Variants in PRKAR1A observed in about 807,000 individuals in gnomAD.
The protein encoded by PRKAR1A is cAMP-dependent protein kinase type I-alpha regulatory subunit.
PRKAR1A carries 3 observed loss-of-function variants against 52.0 expected under a neutral mutation model. That is an observed-to-expected ratio of 0.06 (90% confidence interval 0.03 to 0.15). The LOEUF is 0.15. PRKAR1A is among the 10% of genes least tolerant of loss of function. The pLI, the probability that PRKAR1A is intolerant of heterozygous loss-of-function variation, is 1.00. For missense variants in PRKAR1A, 240 were observed against 477.4 expected, an observed-to-expected ratio of 0.50 and a Z score of 4.63; for synonymous variants, 188 against 168.4, an observed-to-expected ratio of 1.12 and a Z score of -0.90.
chr17:68,543,507 A>C (rs2086405588), intron 11 of PRKAR1A: 3 of 849,978 alleles, frequency 3.5e-6, no homozygotes, highest in Non-Finnish European at 5.9e-6. Flanking sequence ...TGAGGCACGA[A>C]GAAGATAGAA....
At chr17:68,502,755 GAAAAAAAAAAA>G in the PRKAR1A span, among the ~76,000 whole-genome samples, 10 of 86,312 alleles carry the variant, frequency 1.2e-4, no homozygotes, top group African/African-American at 3.1e-4. Context: ...TTCATCTCAG[GAAAAAAAAAAA>G]AAAAAAAAAA....
chr17:68,427,630 A>G, the PRKAR1A span: 1 of 177,364 alleles, frequency 5.6e-6, no homozygotes, highest in East Asian at 1.7e-4. Flanking sequence ...TAAATTGTAG[A>G]CCTACCCACA....
At chr17:68,510,195 G>GAGAGAGAGAGAGAGAT (rs1164168629), upstream of PRKAR1A, among the ~76,000 whole-genome samples, 1 of 148,652 alleles carries the variant, frequency 6.7e-6, no homozygotes, top group African/African-American at 2.5e-5. Context: ...GAGAGAGAGA[G>GAGAGAGAGAGAGAGAT]ATCTATCTAT....
the PRKAR1A span, among the ~76,000 whole-genome samples, chr17:68,493,029 G>C: frequency 3.3e-5 from 5 of 151,780 alleles, no homozygotes; most frequent in African/African-American, 4.8e-5. Flanking sequence ...TATATACCCA[G>C]TGATGGGATT....
chr17:68,441,594 C>A, the PRKAR1A span, among the ~76,000 whole-genome samples: 1 of 152,252 alleles, frequency 6.6e-6, no homozygotes. Context: ...CGAGTGAGGA[C>A]CTGGTCATGT....
chr17:68,542,921 G>A lies in PRKAR1A; in HGVS notation c.974-8163G>A, dbSNP rs973086614. 7.5e-6 allele frequency: 6 copies of A among 798,272 alleles called. No individual in the cohort carries two copies. In the Admixed American group the frequency reaches 1.1e-4, roughly 15 times the overall value. The allele number at this position is 798,272 out of a possible 1,614,324, so 49.4% of individuals were successfully genotyped here. On this transcript the variant is annotated intron_variant, in intron 11 of 11. Transcript: ENST00000585981. ...AATTGGCTGGTGTACCCAGGAGGGT[G>A]GCCGGTGAGGCGTGACTCTGCACTG...
At chr17:68,516,717 A>G (rs993258332) in intron 2 of PRKAR1A, among the ~76,000 whole-genome samples, 1 of 143,358 alleles carries the variant, frequency 7.0e-6, no homozygotes, top group African/African-American at 2.5e-5. Context: ...TAGTACCATG[A>G]TCAGAATAAT....
At chr17:68,425,936 G>T in the PRKAR1A span, 4 of 685,508 alleles carry the variant, frequency 5.8e-6, no homozygotes, top group Non-Finnish European at 1.0e-5. Context: ...AATATCCTAT[G>T]GCTTTCCAAA....
chr17:68,528,045 G>GAAT, intron 8 of PRKAR1A, 145 bp downstream of exon 8: 2 of 718,608 alleles, frequency 2.8e-6, no homozygotes, highest in Non-Finnish European at 4.9e-6. Context: ...TTCTGACTGT[G>GAAT]GACATTCACA....
At chr17:68,487,548 C>A in the PRKAR1A span, among the ~76,000 whole-genome samples, 2 of 151,956 alleles carry the variant, frequency 1.3e-5, no homozygotes, top group Admixed American at 1.3e-4. Context: ...CACCTATAAT[C>A]CCTGCACTTT....
Position 68,539,169 on chromosome 17 carries a change from G to A in PRKAR1A, c.973+9168G>A, listed in dbSNP as rs907935192. On this transcript the variant is annotated intron_variant, in intron 11 of 11. Coordinates refer to the PRKAR1A transcript ENST00000585981. ...TCATATATGCAGTCTGTCATTGGCT[G>A]AGATGTCATGCAGTGCACAAATGTG... is the stretch of plus-strand genomic sequence containing the variant. Among the ~76,000 whole-genome samples the A allele has an allele frequency of 2.0e-5, 3 of 152,364 alleles. No homozygotes were observed. In the South Asian group the frequency reaches 6.2e-4, roughly 32 times the overall value.
chr17:68,472,165 C>T, the PRKAR1A span, among the ~76,000 whole-genome samples: 1 of 152,290 alleles, frequency 6.6e-6, no homozygotes, highest in South Asian at 2.1e-4. Context: ...TTGTGCTCAG[C>T]TCCTTCCCCA....
At chr17:68,534,589 A>C (rs1038875860), downstream of PRKAR1A, among the ~76,000 whole-genome samples, 1 of 48,604 alleles carries the variant, frequency 2.1e-5, no homozygotes, top group Admixed American at 2.0e-4. Flanking sequence ...GCATTTTTGT[A>C]TTTTTTTTGT....
At chr17:68,465,287 A>G in the PRKAR1A span, among the ~76,000 whole-genome samples, 1 of 151,932 alleles carries the variant, frequency 6.6e-6, no homozygotes, top group African/African-American at 2.4e-5. Context: ...TTCTGCTGCT[A>G]ACATTTTTGG....
At chr17:68,517,731 C>A (rs2085478603) in intron 2 of PRKAR1A, among the ~76,000 whole-genome samples, 1 of 152,180 alleles carries the variant, frequency 6.6e-6, no homozygotes, top group Non-Finnish European at 1.5e-5. Flanking sequence ...CCTCCCAGAT[C>A]TCATGTTTTC....
At chr17:68,476,881 C>T in the PRKAR1A span, among the ~76,000 whole-genome samples, 2 of 151,964 alleles carry the variant, frequency 1.3e-5, no homozygotes, top group Non-Finnish European at 2.9e-5. Flanking sequence ...AGGGTGGTCT[C>T]GATCTCTTGA....
upstream of PRKAR1A, among the ~76,000 whole-genome samples, chr17:68,510,119 T>C (rs983518709): frequency 6.6e-6 from 1 of 150,450 alleles, no homozygotes; most frequent in Non-Finnish European, 1.5e-5. Context: ...TCATTTAATA[T>C]ATCCCCCACT....
chr17:68,418,377 A>G, the PRKAR1A span, among the ~76,000 whole-genome samples: 1 of 152,228 alleles, frequency 6.6e-6, no homozygotes, highest in African/African-American at 2.4e-5. Flanking sequence ...CTGTTTGTCA[A>G]AGCTCATGTC....
the PRKAR1A span, among the ~76,000 whole-genome samples, chr17:68,495,976 CT>C: frequency 8.0e-3 from 55 of 6,860 alleles, no homozygotes; most frequent in East Asian, 0.044. Flanking sequence ...CCTCTCCTCT[CT>C]CCTCTCCTCT....
Sources: gnomAD v4.1 joint callset for allele counts (sites outside exome capture counted in the v4.1 genomes callset) on GRCh38, gnomAD v4.1.1 for gene constraint, MANE v1.5 for transcripts, NCBI Gene and HGNC (gene_info 2026-07-23, HGNC 2026-07-21) for gene names.